STK39: variants seen among roughly 807,000 people sequenced by gnomAD.
STK39 encodes the protein STE20/SPS1-related proline-alanine-rich protein kinase.
Under a neutral mutation model 77.8 loss-of-function variants are expected in STK39, and 20 were observed. That is an observed-to-expected ratio of 0.26 (90% CI 0.18 to 0.37). The LOEUF (loss-of-function observed/expected upper bound fraction) is 0.37, where lower values mean the gene tolerates loss of function less well. Ranked by LOEUF, STK39 falls within the 10% of genes least tolerant of loss-of-function variation. The pLI is 1.00. For missense variants in STK39, 479 were observed against 656.5 expected (o/e 0.73, Z 2.95); for synonymous variants, 246 against 234.1 (o/e 1.05, Z -0.47).
chr2:168,018,414 TG>T (rs1684469371), intron 14 of STK39, among the ~76,000 whole-genome samples: 1 of 151,370 alleles, frequency 6.6e-6, no homozygotes, highest in Non-Finnish European at 1.5e-5. Flanking sequence ...GCAGGAGAAC[TG>T]GAACCCGGCA....
chr2:168,240,329 C>T (rs775049149), intron 1 of STK39, among the ~76,000 whole-genome samples: 9 of 152,094 alleles, frequency 5.9e-5, no homozygotes, highest in African/African-American at 9.7e-5. Flanking sequence ...CTGGGAGCAA[C>T]GTGATCAAGA....
rs75932342 is a variant in STK39, at chr2:168,144,020, T to C, written c.629-3262A>G. On this transcript the variant is annotated intron_variant, in intron 5 of 17. Coordinates refer to ENST00000355999, the MANE Select transcript of STK39 (RefSeq NM_013233.3). ...GGCACCCTGGCTCTTGGTGAGTAATTTGATGTGCATTCATCACCTTTGCGT... is the reference window on the plus strand; with the variant it reads ...GGCACCCTGGCTCTTGGTGAGTAATCTGATGTGCATTCATCACCTTTGCGT... 7.4e-3 allele frequency among the ~76,000 whole-genome samples: 1,124 copies of C among 152,304 alleles called. 12 individuals are homozygous for C. The highest frequency in any genetic ancestry group is 0.025 in the African/African-American group (1,020 of 41,564).
chr2:168,101,096 C>G (rs1293851749), intron 10 of STK39, among the ~76,000 whole-genome samples: 5 of 152,116 alleles, frequency 3.3e-5, no homozygotes, highest in Non-Finnish European at 5.9e-5. Context: ...TCTCAGCAAA[C>G]TAACACAGGA....
intron 16 of STK39, among the ~76,000 whole-genome samples, chr2:168,006,319 T>C (rs1018174262): frequency 2.0e-5 from 3 of 152,216 alleles, no homozygotes; most frequent in Non-Finnish European, 4.4e-5. Context: ...GTGTTCCTTC[T>C]TCTATAGCTG....
At chr2:167,979,511 A>C (rs1358233144) in intron 16 of STK39, among the ~76,000 whole-genome samples, 1 of 152,244 alleles carries the variant, frequency 6.6e-6, no homozygotes, top group African/African-American at 2.4e-5. Flanking sequence ...CCATAAATAC[A>C]AGTATGGTTT....
At chr2:168,059,136 A>G (rs898865058) in intron 14 of STK39, among the ~76,000 whole-genome samples, 2 of 152,124 alleles carry the variant, frequency 1.3e-5, no homozygotes, top group African/African-American at 4.8e-5. Flanking sequence ...CTCACTTCCA[A>G]TAGGGGTCTG....
intron 10 of STK39, among the ~76,000 whole-genome samples, chr2:168,106,401 C>T (rs982165321): frequency 3.3e-5 from 5 of 152,280 alleles, no homozygotes; most frequent in African/African-American, 1.2e-4. Flanking sequence ...ATTGTTATTA[C>T]TTGTGTTACT....
At chr2:168,235,166 T>C (rs1485406083) in intron 1 of STK39, among the ~76,000 whole-genome samples, 1 of 151,870 alleles carries the variant, frequency 6.6e-6, no homozygotes, top group African/African-American at 2.4e-5. Flanking sequence ...GCCTCCCGAG[T>C]AGCTGGGATT....
rs561992197 is a variant in STK39, at chr2:168,203,978, A to G, written c.209-21888T>C. 1.1e-3 allele frequency among the ~76,000 whole-genome samples: 175 copies of G among 152,326 alleles called. 1 individual carries two copies. The highest frequency in any genetic ancestry group is 0.01 in the Middle Eastern group (3 of 294). On this transcript the variant is annotated intron_variant, in intron 1 of 17. Transcript: ENST00000355999. ...TGGAATGTGAAACATGGGAAAAGAA[A>G]GGGGGAAAAACACAGAGGCTCCTCT...
At chr2:168,057,940 G>A (rs1253648017) in intron 14 of STK39, among the ~76,000 whole-genome samples, 1 of 152,072 alleles carries the variant, frequency 6.6e-6, no homozygotes, top group African/African-American at 2.4e-5. Context: ...GAGAACATCA[G>A]TCTGGCACTG....
chr2:168,147,493 GA>G (rs919962954), intron 5 of STK39, among the ~76,000 whole-genome samples: 2 of 152,198 alleles, frequency 1.3e-5, no homozygotes, highest in African/African-American at 2.4e-5. Context: ...ACAGACTAAA[GA>G]GAGCATTTTT....
chr2:168,151,366 A>C (rs1277050492), intron 5 of STK39, among the ~76,000 whole-genome samples: 1 of 152,216 alleles, frequency 6.6e-6, no homozygotes, highest in East Asian at 1.9e-4. Flanking sequence ...CATTGCCATC[A>C]ACCAGTTTCC....
intron 15 of STK39, among the ~76,000 whole-genome samples, chr2:168,016,379 C>A (rs1684403344): frequency 1.1e-5 from 1 of 92,280 alleles, no homozygotes. Flanking sequence ...TGGCTGGTGG[C>A]CTTTGTTCAA....
intron 1 of STK39, among the ~76,000 whole-genome samples, chr2:168,238,286 C>T (rs1241200687): frequency 6.6e-6 from 1 of 152,160 alleles, no homozygotes; most frequent in African/African-American, 2.4e-5. Context: ...CCTCTACTTT[C>T]CATCTAGTTT....
chr2:168,047,069 C>A (rs1244718279), intron 14 of STK39, among the ~76,000 whole-genome samples: 4 of 152,046 alleles, frequency 2.6e-5, no homozygotes, highest in Non-Finnish European at 5.9e-5. Context: ...TGTTAAATAT[C>A]TTTTAGCCCT....
chr2:168,081,520 G>A (rs1283188787), intron 10 of STK39, among the ~76,000 whole-genome samples: 4 of 152,140 alleles, frequency 2.6e-5, no homozygotes, highest in Admixed American at 1.3e-4. Flanking sequence ...TAAGATCATA[G>A]GTGGAAGGGA....
chr2:168,113,208 C>A (rs1353521071), intron 10 of STK39: 3 of 152,178 alleles, frequency 2.0e-5, no homozygotes, highest in South Asian at 2.1e-4. Context: ...ACATCCCCCC[C>A]TCTATTATAC....
chr2:168,132,760 T>C (rs3769413), intron 8 of STK39, among the ~76,000 whole-genome samples: 108,628 of 152,080 alleles, frequency 0.71, 39,234 homozygotes, highest in Non-Finnish European at 0.78. Flanking sequence ...TTTCTGTTCC[T>C]ATGTCTCCCT....
At chr2:168,068,134 C>G (rs956756134) in intron 12 of STK39, among the ~76,000 whole-genome samples, 2 of 152,130 alleles carry the variant, frequency 1.3e-5, no homozygotes, top group Non-Finnish European at 1.5e-5. Context: ...TCATCGGGTC[C>G]CTCCCATGAC....
Sources: allele counts gnomAD v4.1 joint callset (sites outside exome capture counted in the v4.1 genomes callset), GRCh38; gene constraint gnomAD v4.1.1; transcripts MANE v1.5; gene names NCBI Gene and HGNC (gene_info 2026-07-23, HGNC 2026-07-21).